The following ARRDC3 variants were observed in gnomAD, a reference collection of about 807,000 sequenced individuals.
ARRDC3 encodes arrestin domain containing 3, also known as arrestin domain-containing protein 3.
A neutral mutation model predicts 47.2 loss-of-function variants in ARRDC3; 10 were observed. That is an observed-to-expected ratio of 0.21 (90% CI 0.13 to 0.36). The LOEUF (loss-of-function observed/expected upper bound fraction) is 0.36, where lower values mean the gene tolerates loss of function less well. ARRDC3 is among the 10% of genes least tolerant of loss of function. ARRDC3 has a pLI of 1.00. For synonymous variants in ARRDC3, 156 were observed against 178.3 expected (o/e 0.87, Z 1.00); for missense variants, 381 against 503.6 (o/e 0.76, Z 2.33).
At chr5:91,375,913 C>T (rs1383274374) in intron 3 of ARRDC3, among the ~76,000 whole-genome samples, 1 of 151,498 alleles carries the variant, frequency 6.6e-6, no homozygotes, top group Non-Finnish European at 1.5e-5. Context: ...AATCAAAAAC[C>T]AACCAAATAA....
At chr5:91,377,748 A>G (rs965519900) in intron 2 of ARRDC3, among the ~76,000 whole-genome samples, 2 of 152,050 alleles carry the variant, frequency 1.3e-5, no homozygotes, top group Non-Finnish European at 2.9e-5. Flanking sequence ...GCCTTATTCT[A>G]TCAACAGACT....
Position 91,378,728 on chromosome 5 carries a change from G to C in ARRDC3, c.328C>G (p.His110Asp). Residue 110 changes from histidine (H) to aspartate (D), a missense_variant, in exon 2 of 8, where the codon CAT (histidine) becomes GAT (aspartate). Transcript: ENST00000265138. ...AGCTCGAAGCTGAATGCATATTCATGCCTTCCTGAATGAATAGTGTGGAAG... is the reference window on the plus strand; with the variant it reads ...AGCTCGAAGCTGAATGCATATTCATCCCTTCCTGAATGAATAGTGTGGAAG... ...EGFHTIHSGR[H>D]EYAFSFELPQ... 6.2e-7 allele frequency: 1 copy of C among 1,600,510 alleles called. No homozygotes were observed. The highest frequency in any genetic ancestry group is 8.5e-7 in the Non-Finnish European group (1 of 1,174,990).
chr5:91,371,674 A>G (rs895276476), intron 7 of ARRDC3, among the ~76,000 whole-genome samples: 2 of 152,198 alleles, frequency 1.3e-5, no homozygotes, highest in African/African-American at 4.8e-5. Flanking sequence ...TTTAATTACT[A>G]GATTAACAAG....
At chr5:91,379,056 T>C (rs893238525) in intron 1 of ARRDC3, among the ~76,000 whole-genome samples, 14 of 152,154 alleles carry the variant, frequency 9.2e-5, no homozygotes, top group Admixed American at 8.5e-4. Context: ...GCAAAGCATC[T>C]GTTTATAAAA....
rs1453632036 is a variant in ARRDC3, at chr5:91,370,016, C to T, written c.*1384G>A. 4 of 152,090 alleles carry T rather than the reference C, an allele frequency of 2.6e-5. No individual in the cohort carries two copies. The highest frequency in any genetic ancestry group is 1.9e-4 in the East Asian group (1 of 5,198). 9.4% of individuals were successfully genotyped at this position (152,090 alleles called of 1,614,324 possible). On this transcript the variant is annotated 3_prime_UTR_variant, in exon 8 of 8. Coordinates refer to ENST00000265138, the MANE Select transcript of ARRDC3 (RefSeq NM_020801.4). Reference sequence around the variant, plus strand: ...AAACACAAAAATCCAAAAGATTTATCGCAGCAAACGTTCTAGTATTTTAAA... The same window carrying T: ...AAACACAAAAATCCAAAAGATTTATTGCAGCAAACGTTCTAGTATTTTAAA...
rs1486074371 is a variant in ARRDC3 at position 91,375,729 on chromosome 5, GC to G, written c.511-117del. On this transcript the variant is annotated intron_variant, in intron 3 of 7. Coordinates refer to ENST00000265138, the MANE Select transcript of ARRDC3 (RefSeq NM_020801.4). ...AAAATTAAAAATTACAACTGGTTTT[GC>G]TTTTTTTTTGTATCCAGACATACTT... is the stretch of plus-strand genomic sequence containing the variant. 1.8e-5 allele frequency: 12 copies of G among 649,450 alleles called. No homozygotes were observed. The Admixed American group carries it at 4.6e-4, about 25-fold the overall frequency. The allele number at this position is 649,450 out of a possible 1,614,324, so 40.2% of individuals were successfully genotyped here.
chr5:91,380,214 GCGC>G (rs989551533), intron 1 of ARRDC3: 128 of 163,240 alleles, frequency 7.8e-4, no homozygotes, highest in Non-Finnish European at 1.5e-3. Context: ...GCCTGCCCGC[GCGC>G]CGCCGCCGCC....
At chr5:91,373,960 A>C (rs1799241205) in intron 6 of ARRDC3, 122 bp from the exon 7 acceptor site, 1 of 1,468,522 alleles carries the variant, frequency 6.8e-7, no homozygotes, top group Non-Finnish European at 9.3e-7. Flanking sequence ...GATCAAAACT[A>C]TGAAGACATA....
chr5:91,380,231 G>A (rs1799416512), intron 1 of ARRDC3: 1 of 163,950 alleles, frequency 6.1e-6, no homozygotes, highest in Non-Finnish European at 1.3e-5. Flanking sequence ...CGCCGCCGCC[G>A]CTGCCGCCCG....
chr5:91,375,362 TACTTTGTGAAAAAA>T, intron 4 of ARRDC3, 135 bp downstream of exon 4: 1 of 897,882 alleles, frequency 1.1e-6, no homozygotes, highest in Non-Finnish European at 1.7e-6. Flanking sequence ...AACTACATTC[TACTTTGTGAAAAAA>T]ACAAATGGAT....
chr5:91,379,089 C>A (rs965858993), intron 1 of ARRDC3, among the ~76,000 whole-genome samples: 1 of 151,966 alleles, frequency 6.6e-6, no homozygotes, highest in Non-Finnish European at 1.5e-5. Context: ...TCAAAAGGCT[C>A]GGGTCTCACA....
chr5:91,376,468 G>T, intron 3 of ARRDC3, 153 bp downstream of exon 3: 1 of 697,910 alleles, frequency 1.4e-6, no homozygotes, highest in Non-Finnish European at 2.3e-6. Context: ...TAATTTCAGT[G>T]TTCTTGACTG....
chr5:91,371,276 G>C lies in ARRDC3; in HGVS notation c.*124C>G. ...TGATCACTGGTTGTTTCATGTATTC[G>C]CCATTTTTCTGGGCAAAAGTAATTC... On this transcript the variant is annotated 3_prime_UTR_variant, in exon 8 of 8. Transcript: ENST00000265138. The C allele has an allele frequency of 2.6e-6, 2 of 773,566 alleles. No homozygotes were observed. The highest frequency in any genetic ancestry group is 3.6e-5 in the South Asian group (2 of 55,562). 47.9% of individuals were successfully genotyped at this position (773,566 alleles called of 1,614,324 possible).
Position 91,383,274 on chromosome 5 carries a change from C to T in ARRDC3, c.-182G>A. 1.7e-6 allele frequency: 1 copy of T among 587,132 alleles called. No individual in the cohort carries two copies. Among genetic ancestry groups the T allele is most frequent in the Non-Finnish European group, 2.9e-6 (1 of 350,070 alleles). 36.4% of individuals were successfully genotyped at this position (587,132 alleles called of 1,614,324 possible). ...TAAAAAGTCAGGGCAGCAGAGGCTGCTGCTCCGCGCTCCCGCTCGTCTCAG... is the reference window on the plus strand; with the variant it reads ...TAAAAAGTCAGGGCAGCAGAGGCTGTTGCTCCGCGCTCCCGCTCGTCTCAG... On this transcript the variant is annotated 5_prime_UTR_variant, in exon 1 of 8. Transcript: ENST00000265138.
In ARRDC3 at chr5:91,378,782, C is replaced by T; in HGVS notation, c.281-7G>A. ...TCTTCGGAATTATCATCATCTAAAA[C>T]AAACATAAAAAGAAAACAAAGAATT... is the stretch of plus-strand genomic sequence containing the variant. On this transcript the variant is annotated splice_polypyrimidine_tract_variant and splice_region_variant and intron_variant, in intron 1 of 7. Coordinates refer to ENST00000265138, the MANE Select transcript of ARRDC3 (RefSeq NM_020801.4). 6.4e-7 allele frequency: 1 copy of T among 1,568,684 alleles called. No homozygotes were observed. Among genetic ancestry groups the T allele is most frequent in the Non-Finnish European group, 8.7e-7 (1 of 1,155,318 alleles).
intron 1 of ARRDC3, among the ~76,000 whole-genome samples, chr5:91,379,292 TAAAAA>T (rs377674022): frequency 9.3e-6 from 1 of 107,772 alleles, no homozygotes. Context: ...ATAGACGGAG[TAAAAA>T]AAAAAAAAAA....
chr5:91,380,230 C>T (rs1403247746), intron 1 of ARRDC3: 5 of 163,770 alleles, frequency 3.1e-5, no homozygotes, highest in African/African-American at 9.7e-5. Flanking sequence ...CCGCCGCCGC[C>T]GCTGCCGCCC....
chr5:91,374,023 G>T, intron 6 of ARRDC3, 91 bp downstream of exon 6: 1 of 1,468,246 alleles, frequency 6.8e-7, no homozygotes, highest in Non-Finnish European at 9.3e-7. Flanking sequence ...AAAAGATTAT[G>T]TTCATCTAGG....
chr5:91,378,011 AT>A (rs201618546), intron 2 of ARRDC3, among the ~76,000 whole-genome samples: 19 of 151,676 alleles, frequency 1.3e-4, no homozygotes, highest in African/African-American at 1.9e-4. Context: ...GTTAAAAGGC[AT>A]TTTTTTTTAA....
Sources: allele counts gnomAD v4.1 joint callset (sites outside exome capture counted in the v4.1 genomes callset), GRCh38; gene constraint gnomAD v4.1.1; transcripts MANE v1.5; gene names NCBI Gene and HGNC (gene_info 2026-07-23, HGNC 2026-07-21).